Variants in NCK2 observed in about 807,000 individuals in gnomAD.
The protein encoded by NCK2 is NCK adaptor protein 2, also known as cytoplasmic protein NCK2.
Under a neutral mutation model 33.9 loss-of-function variants are expected in NCK2, and 16 were observed. The ratio of observed to expected loss-of-function variants is 0.47; its 90% CI spans 0.32 to 0.72. The LOEUF is 0.72. NCK2 is among the 30% of genes least tolerant of loss of function. The pLI is 0.03. For synonymous variants in NCK2, 273 were observed against 239.9 expected (o/e 1.14, Z -1.27); for missense variants, 418 against 537.3 (o/e 0.78, Z 2.19).
At chr2:105,847,619 GGGCCTGGT>G (rs1254402851) in intron 2 of NCK2, among the ~76,000 whole-genome samples, 1 of 152,062 alleles carries the variant, frequency 6.6e-6, no homozygotes, top group Non-Finnish European at 1.5e-5. Flanking sequence ...GGTGGGAGAG[GGGCCTGGT>G]GGGACACGCA....
chr2:105,824,988 A>G (rs1466604795), intron 2 of NCK2, among the ~76,000 whole-genome samples: 3 of 152,196 alleles, frequency 2.0e-5, no homozygotes, highest in African/African-American at 7.2e-5. Flanking sequence ...GCTGCAGGCA[A>G]GTGATGCTGC....
intron 1 of NCK2, among the ~76,000 whole-genome samples, chr2:105,799,693 GGTA>G (rs752583252): frequency 7.2e-5 from 11 of 152,124 alleles, no homozygotes; most frequent in Non-Finnish European, 1.2e-4. Context: ...TTACATAAAT[GGTA>G]CAATAGCAGC....
chr2:105,835,439 G>T (rs1676393264), intron 2 of NCK2, among the ~76,000 whole-genome samples: 1 of 43,674 alleles, frequency 2.3e-5, no homozygotes, highest in East Asian at 1.1e-3. Context: ...TTTTTGGTCA[G>T]CATTTTGAAT....
chr2:105,812,782 A>G (rs1175347954), intron 1 of NCK2, among the ~76,000 whole-genome samples: 2 of 43,486 alleles, frequency 4.6e-5, no homozygotes, highest in Non-Finnish European at 4.8e-5. Flanking sequence ...ACATCTGCTC[A>G]TTACTGAAGC....
chr2:105,875,457 A>T (rs914000807), intron 3 of NCK2, among the ~76,000 whole-genome samples: 12 of 152,136 alleles, frequency 7.9e-5, no homozygotes, highest in African/African-American at 2.9e-4. Flanking sequence ...GCTGCTGCAG[A>T]CTGAACTGCA....
chr2:105,859,802 C>T (rs987154808), intron 3 of NCK2, among the ~76,000 whole-genome samples: 2 of 152,178 alleles, frequency 1.3e-5, no homozygotes, highest in Non-Finnish European at 2.9e-5. Context: ...GATTACAGTA[C>T]TCTGGAGGGA....
At chr2:105,752,428 A>G (rs1263946660) in intron 1 of NCK2, among the ~76,000 whole-genome samples, 9 of 152,232 alleles carry the variant, frequency 5.9e-5, no homozygotes, top group African/African-American at 2.2e-4. Context: ...TCATTTTACA[A>G]ATATCTTAAA....
intron 4 of NCK2, among the ~76,000 whole-genome samples, chr2:105,887,910 C>T (rs1349195650): frequency 2.0e-5 from 3 of 151,970 alleles, no homozygotes; most frequent in Non-Finnish European, 2.9e-5. Context: ...CCACTTATCG[C>T]GAGCACAAAT....
chr2:105,846,368 A>G (rs770921915), intron 2 of NCK2, among the ~76,000 whole-genome samples: 5 of 151,920 alleles, frequency 3.3e-5, no homozygotes, highest in Admixed American at 1.3e-4. Context: ...TCAATGATGA[A>G]CTCCTGAAAA....
chr2:105,889,954 A>G (rs1486292466), intron 4 of NCK2, among the ~76,000 whole-genome samples: 5 of 152,276 alleles, frequency 3.3e-5, no homozygotes, highest in African/African-American at 1.2e-4. Flanking sequence ...GCACACTTGG[A>G]GAACATCTTA....
chr2:105,747,992 A>G (rs906119471), intron 1 of NCK2, among the ~76,000 whole-genome samples: 1 of 152,218 alleles, frequency 6.6e-6, no homozygotes, highest in African/African-American at 2.4e-5. Context: ...AACATTTCCC[A>G]AAGTATGTTT....
At chr2:105,772,294 C>T (rs1690159470) in intron 1 of NCK2, among the ~76,000 whole-genome samples, 1 of 152,104 alleles carries the variant, frequency 6.6e-6, no homozygotes, top group Non-Finnish European at 1.5e-5. Context: ...TGTTTATTCC[C>T]AAAGGAGAGC....
intron 1 of NCK2, among the ~76,000 whole-genome samples, chr2:105,784,739 T>C (rs539227987): frequency 6.6e-6 from 1 of 152,360 alleles, no homozygotes; most frequent in African/African-American, 2.4e-5. Flanking sequence ...AGTGTGTCTG[T>C]TGAGGTCCAT....
intron 1 of NCK2, among the ~76,000 whole-genome samples, chr2:105,780,628 G>C (rs148241141): frequency 6.6e-6 from 1 of 152,318 alleles, no homozygotes; most frequent in African/African-American, 2.4e-5. Context: ...GATGTGGTCT[G>C]AATGTGTCCC....
intron 2 of NCK2, among the ~76,000 whole-genome samples, chr2:105,843,600 G>A (rs551681122): frequency 1.3e-5 from 2 of 152,146 alleles, no homozygotes; most frequent in Non-Finnish European, 2.9e-5. Context: ...ACGAACACTC[G>A]CAGTGATGGT....
chr2:105,893,254 C>G lies in NCK2; in HGVS notation c.*78C>G. On this transcript the variant is annotated 3_prime_UTR_variant, in exon 5 of 5. Coordinates refer to ENST00000233154, the MANE Select transcript of NCK2 (RefSeq NM_003581.5). Reference sequence around the variant, plus strand: ...CCGGCCTTGTGGCAGAGGCTCCTCCCGCGGGGACGGCCCCGACGGCTTCTC... The same window carrying G: ...CCGGCCTTGTGGCAGAGGCTCCTCCGGCGGGGACGGCCCCGACGGCTTCTC... 1.4e-6 allele frequency: 2 copies of G among 1,381,204 alleles called. No homozygotes were observed. Among genetic ancestry groups the G allele is most frequent in the Non-Finnish European group, 1.9e-6 (2 of 1,026,268 alleles). 85.6% of individuals were successfully genotyped at this position (1,381,204 alleles called of 1,614,324 possible).
chr2:105,820,895 G>A (rs1363445493), intron 2 of NCK2, among the ~76,000 whole-genome samples: 2 of 152,158 alleles, frequency 1.3e-5, no homozygotes, highest in East Asian at 1.9e-4. Context: ...TAAACAGGAC[G>A]GGATTTCACA....
At chr2:105,883,932 G>A (rs956770347) in intron 4 of NCK2, among the ~76,000 whole-genome samples, 1 of 152,060 alleles carries the variant, frequency 6.6e-6, no homozygotes, top group Non-Finnish European at 1.5e-5. Context: ...GACTTGCATC[G>A]GCTCTGCACA....
intron 2 of NCK2, among the ~76,000 whole-genome samples, chr2:105,843,600 G>T (rs551681122): frequency 7.9e-5 from 12 of 152,264 alleles, no homozygotes. Flanking sequence ...ACGAACACTC[G>T]CAGTGATGGT....
Sources: allele counts gnomAD v4.1 joint callset (sites outside exome capture counted in the v4.1 genomes callset), GRCh38; gene constraint gnomAD v4.1.1; transcripts MANE v1.5; gene names NCBI Gene and HGNC (gene_info 2026-07-23, HGNC 2026-07-21).